MTAP: variants seen among roughly 807,000 people sequenced by gnomAD.
The protein encoded by MTAP is S-methyl-5'-thioadenosine phosphorylase.
Under a neutral mutation model 33.6 loss-of-function variants are expected in MTAP, and 33 were observed. The observed-to-expected ratio is 0.98, with a 90% CI of 0.74 to 1.31. MTAP has a LOEUF of 1.31. MTAP is among the 40% of genes most tolerant of loss of function. The pLI is 0.00. For synonymous variants in MTAP, 148 were observed against 125.7 expected (o/e 1.18, Z -1.19); for missense variants, 367 against 360.0 (o/e 1.02, Z -0.16).
At chr9:21,876,764 G>A (rs527980512) in intron 1 of MTAP, among the ~76,000 whole-genome samples, 1 of 152,064 alleles carries the variant, frequency 6.6e-6, no homozygotes, top group East Asian at 1.9e-4. Flanking sequence ...TTTGGTTACT[G>A]CAGTTTGGAT....
At chr9:21,854,487 TTC>T (rs1825588663) in intron 5 of MTAP, 142 bp from the exon 6 acceptor site, 1 of 1,144,406 alleles carries the variant, frequency 8.7e-7, no homozygotes, top group Non-Finnish European at 1.2e-6. Context: ...TCTAGGTTTT[TTC>T]TGAGAGCCTG....
intron 6 of MTAP, among the ~76,000 whole-genome samples, chr9:21,857,956 G>C (rs1754010643): frequency 6.6e-6 from 1 of 152,090 alleles, no homozygotes; most frequent in South Asian, 2.1e-4. Context: ...TAAATTGGTA[G>C]CTAGATTTAG....
intron 1 of MTAP, chr9:21,930,650 T>C (rs945203865): frequency 2.2e-6 from 1 of 455,322 alleles, no homozygotes; most frequent in Admixed American, 3.6e-5. Flanking sequence ...GGCTAAAACC[T>C]CAACCATGGC....
intron 1 of MTAP, among the ~76,000 whole-genome samples, chr9:21,807,925 T>C (rs1175027596): frequency 6.6e-6 from 1 of 152,230 alleles, no homozygotes; most frequent in African/African-American, 2.4e-5. Flanking sequence ...AGGAAAATGT[T>C]TGTATGCAGT....
intron 4 of MTAP, among the ~76,000 whole-genome samples, chr9:21,825,371 C>T (rs1824766622): frequency 1.3e-5 from 2 of 152,292 alleles, no homozygotes; most frequent in East Asian, 3.9e-4. Flanking sequence ...CGTAAAATTT[C>T]ATTTCCTTAT....
At chr9:21,880,255 A>G (rs1172920616) in intron 1 of MTAP, among the ~76,000 whole-genome samples, 3 of 152,126 alleles carry the variant, frequency 2.0e-5, no homozygotes, top group Non-Finnish European at 4.4e-5. Flanking sequence ...GCCTTTTGCC[A>G]TATCATTTTA....
At position 21,809,362 on chromosome 9, in the gene MTAP, G is replaced by A. The variant is rs112697626; in HGVS notation, c.34-6071G>A. On this transcript the variant is annotated intron_variant, in intron 1 of 7. Coordinates refer to ENST00000644715, the MANE Select transcript of MTAP (RefSeq NM_002451.4). ...TTTAAAAATTTATGGTCTAGGGGCC[G>A]GGCGCGGTGGCTCATGCCTGTAATC... Among the ~76,000 whole-genome samples, 161 of 152,258 alleles carry A rather than the reference G, an allele frequency of 1.1e-3. 1 individual carries two copies. The highest frequency in any genetic ancestry group is 2.8e-3 in the African/African-American group (116 of 41,556).
chr9:21,809,664 A>G (rs2117946995), intron 1 of MTAP, among the ~76,000 whole-genome samples: 1 of 151,780 alleles, frequency 6.6e-6, no homozygotes, highest in East Asian at 1.9e-4. Context: ...AAAGAAATTT[A>G]TGGTCTAGGC....
In MTAP at chr9:21,862,707, C is replaced by G. The variant is rs1420349482; in HGVS notation, c.*693C>G. 1.3e-5 allele frequency: 2 copies of G among 154,562 alleles called. No homozygotes were observed. Among genetic ancestry groups the G allele is most frequent in the Non-Finnish European group, 2.8e-5 (2 of 70,414 alleles). The allele number at this position is 154,562 out of a possible 1,614,324, so 9.6% of individuals were successfully genotyped here. ...AATGTCCTAAAAAGACACGGTTGCTCTATATATGAAGTGAAAAAAGGATAT... is the reference window on the plus strand; with the variant it reads ...AATGTCCTAAAAAGACACGGTTGCTGTATATATGAAGTGAAAAAAGGATAT... On this transcript the variant is annotated 3_prime_UTR_variant, in exon 8 of 8. Coordinates refer to ENST00000644715, the MANE Select transcript of MTAP (RefSeq NM_002451.4).
chr9:21,865,117 T>A lies in MTAP; in HGVS notation c.*3103T>A. 1 of 982,882 alleles carries A rather than the reference T, an allele frequency of 1.0e-6. No homozygotes were observed. Among genetic ancestry groups the A allele is most frequent in the East Asian group, 1.1e-4 (1 of 8,790 alleles). The allele number at this position is 982,882 out of a possible 1,614,324, so 60.9% of individuals were successfully genotyped here. On this transcript the variant is annotated 3_prime_UTR_variant, in exon 8 of 8. Coordinates refer to ENST00000644715, the MANE Select transcript of MTAP (RefSeq NM_002451.4). ...CCCACCCAAATCTCATGTTGAATTG[T>A]AGTTCCCATAATCCCCACATGTTGT... is the stretch of plus-strand genomic sequence containing the variant.
chr9:21,838,138 G>A, intron 5 of MTAP, 128 bp downstream of exon 5: 1 of 671,494 alleles, frequency 1.5e-6, no homozygotes, highest in Non-Finnish European at 2.6e-6. Context: ...ATTATGCAAA[G>A]TTTTATGAAG....
At chr9:21,816,238 C>T (rs1024090066) in intron 2 of MTAP, among the ~76,000 whole-genome samples, 1 of 152,150 alleles carries the variant, frequency 6.6e-6, no homozygotes, top group African/African-American at 2.4e-5. Flanking sequence ...TTAAACCCCT[C>T]GGTTCTAAGG....
intron 1 of MTAP, among the ~76,000 whole-genome samples, chr9:21,915,069 TTTCTTTC>T (rs1818662334): frequency 7.8e-6 from 1 of 127,620 alleles, no homozygotes; most frequent in East Asian, 2.7e-4. Context: ...TCTTTCTTTC[TTTCTTTC>T]TTTCTTTCCT....
intron 1 of MTAP, among the ~76,000 whole-genome samples, chr9:21,807,325 C>T (rs1824231744): frequency 6.6e-6 from 1 of 152,148 alleles, no homozygotes; most frequent in South Asian, 2.1e-4. Context: ...CTTTACACTC[C>T]CTGCTTTGCT....
intron 5 of MTAP, among the ~76,000 whole-genome samples, chr9:21,848,251 C>T (rs976831168): frequency 5.3e-5 from 8 of 152,080 alleles, no homozygotes; most frequent in Non-Finnish European, 8.8e-5. Flanking sequence ...CCAGCAGGCC[C>T]CTAGAGGTGA....
At chr9:21,835,337 A>G (rs756585717) in intron 4 of MTAP, among the ~76,000 whole-genome samples, 3 of 152,210 alleles carry the variant, frequency 2.0e-5, no homozygotes, top group African/African-American at 4.8e-5. Context: ...TCACGAAGAA[A>G]GAACTTAAAG....
rs368840669 is a variant in MTAP, at chr9:21,862,062, T to C, written c.*48T>C. The C allele has an allele frequency of 2.1e-5, 33 of 1,608,722 alleles. No homozygotes were observed. Among genetic ancestry groups the C allele is most frequent in the Non-Finnish European group, 5.9e-6 (7 of 1,178,346 alleles). The stretch of plus-strand genomic sequence containing the variant: ...AAAGAAGACATTCTAATTCCAGTCA[T>C]TTTGGGAATTCCTGCTTAACTTGAA... On this transcript the variant is annotated 3_prime_UTR_variant, in exon 8 of 8. Coordinates refer to ENST00000644715, the MANE Select transcript of MTAP (RefSeq NM_002451.4).
At chr9:21,929,584 TG>T in intron 1 of MTAP, 1 of 367,706 alleles carries the variant, frequency 2.7e-6, no homozygotes, top group Non-Finnish European at 5.7e-6. Context: ...CACCAAATGC[TG>T]GTTATGTACT....
intron 1 of MTAP, among the ~76,000 whole-genome samples, chr9:21,918,507 T>C (rs1223013005): frequency 1.3e-5 from 2 of 151,974 alleles, no homozygotes; most frequent in Admixed American, 1.3e-4. Flanking sequence ...CTAAAGAACT[T>C]ACCCATTTAA....
Sources: gnomAD v4.1 joint callset for allele counts (sites outside exome capture counted in the v4.1 genomes callset) on GRCh38, gnomAD v4.1.1 for gene constraint, MANE v1.5 for transcripts, NCBI Gene and HGNC (gene_info 2026-07-23, HGNC 2026-07-21) for gene names.